MACROD2: variants seen among roughly 807,000 people sequenced by gnomAD.
MACROD2 encodes the protein ADP-ribose glycohydrolase MACROD2.
MACROD2 carries 36 observed loss-of-function variants against 70.4 expected under a neutral mutation model. The ratio of observed to expected loss-of-function variants is 0.51; its 90% CI spans 0.39 to 0.68. The LOEUF (loss-of-function observed/expected upper bound fraction) is 0.68, where lower values mean the gene tolerates loss of function less well. Ranked by LOEUF, MACROD2 falls within the 30% of genes least tolerant of loss-of-function variation. MACROD2 has a pLI of 0.00. For missense variants in MACROD2, 496 were observed against 538.4 expected (o/e 0.92, Z 0.78); for synonymous variants, 172 against 178.8 (o/e 0.96, Z 0.30).
intron 4 of MACROD2, among the ~76,000 whole-genome samples, chr20:14,590,014 G>A (rs944749286): frequency 6.6e-6 from 1 of 152,060 alleles, no homozygotes; most frequent in African/African-American, 2.4e-5. Context: ...GCTTCTTGGG[G>A]TTAGAATTTA....
intron 5 of MACROD2, among the ~76,000 whole-genome samples, chr20:14,969,375 C>T (rs1261884080): frequency 6.7e-6 from 1 of 148,992 alleles, no homozygotes; most frequent in African/African-American, 2.5e-5. Flanking sequence ...CACACACACA[C>T]ACACACACAC....
chr20:14,230,637 A>G (rs1262157637), intron 3 of MACROD2, among the ~76,000 whole-genome samples: 54 of 2,940 alleles, frequency 0.018, no homozygotes, highest in East Asian at 0.12. Flanking sequence ...ATGTTTATAT[A>G]TATATATATA....
At chr20:14,980,062 TGTAA>T (rs2074783037) in intron 5 of MACROD2, among the ~76,000 whole-genome samples, 1 of 152,186 alleles carries the variant, frequency 6.6e-6, no homozygotes, top group South Asian at 2.1e-4. Context: ...GTAAGCACTT[TGTAA>T]GTATTACCAT....
At position 15,681,048 on chromosome 20, in the gene MACROD2, A is replaced by G. The variant is rs578130096; in HGVS notation, c.645+181201A>G. 2.4e-4 allele frequency among the ~76,000 whole-genome samples: 37 copies of G among 152,312 alleles called. No individual in the cohort carries two copies. In the South Asian group the frequency reaches 7.1e-3, roughly 29 times the overall value. ...GCCACCTCAGTTCAATACAGTTGCA[A>G]TGTAATGTTTGAAGACGCTCTCAAG... On this transcript the variant is annotated intron_variant, in intron 8 of 17. Transcript: ENST00000684519.
chr20:14,668,722 T>C (rs1459546770), intron 4 of MACROD2, among the ~76,000 whole-genome samples: 3 of 152,210 alleles, frequency 2.0e-5, no homozygotes, highest in African/African-American at 4.8e-5. Flanking sequence ...TATTTCAGTA[T>C]AGATTAAAAT....
At chr20:14,150,359 A>G (rs929957614) in intron 3 of MACROD2, among the ~76,000 whole-genome samples, 4 of 152,234 alleles carry the variant, frequency 2.6e-5, no homozygotes, top group African/African-American at 7.2e-5. Context: ...TATTGCTTAC[A>G]TTTAATAAAT....
intron 5 of MACROD2, among the ~76,000 whole-genome samples, chr20:15,178,240 ATTACT>A (rs1182281925): frequency 6.6e-6 from 1 of 152,050 alleles, no homozygotes. Context: ...TTGATATTGT[ATTACT>A]TTATGGGGAC....
intron 5 of MACROD2, among the ~76,000 whole-genome samples, chr20:14,750,105 T>C (rs2123734338): frequency 6.6e-6 from 1 of 152,264 alleles, no homozygotes; most frequent in Non-Finnish European, 1.5e-5. Flanking sequence ...AGAAAAGAAA[T>C]ATTCATAAGA....
At chr20:15,280,109 C>A (rs6043165) in intron 6 of MACROD2, among the ~76,000 whole-genome samples, 22,739 of 152,134 alleles carry the variant, frequency 0.15, 1,902 homozygotes, top group African/African-American at 0.22. Context: ...TCAGTGTTAA[C>A]TACATCATTT....
intron 3 of MACROD2, among the ~76,000 whole-genome samples, chr20:14,111,559 G>A (rs1258044475): frequency 6.6e-6 from 1 of 152,010 alleles, no homozygotes; most frequent in African/African-American, 2.4e-5. Context: ...GATGTGAATA[G>A]ACATTTCTCA....
At chr20:15,710,148 A>G (rs1174721631) in intron 8 of MACROD2, among the ~76,000 whole-genome samples, 6 of 150,858 alleles carry the variant, frequency 4.0e-5, no homozygotes, top group Non-Finnish European at 7.4e-5. Context: ...CAAAACCACA[A>G]TGAGGTATCA....
chr20:15,061,762 G>C (rs2075534730), intron 5 of MACROD2, among the ~76,000 whole-genome samples: 1 of 152,234 alleles, frequency 6.6e-6, no homozygotes, highest in Non-Finnish European at 1.5e-5. Flanking sequence ...TGATGATAAA[G>C]TGTACTATGA....
intron 4 of MACROD2, among the ~76,000 whole-genome samples, chr20:14,661,954 A>T (rs1411615161): frequency 1.3e-5 from 2 of 152,144 alleles, no homozygotes; most frequent in Non-Finnish European, 2.9e-5. Flanking sequence ...GTAAAAAATA[A>T]GCAATTGTGA....
chr20:14,801,815 A>T (rs1268361834), intron 5 of MACROD2, among the ~76,000 whole-genome samples: 1 of 152,066 alleles, frequency 6.6e-6, no homozygotes, highest in Non-Finnish European at 1.5e-5. Flanking sequence ...GCAAAAGCAG[A>T]AATGCAGGCA....
intron 6 of MACROD2, among the ~76,000 whole-genome samples, chr20:15,407,497 C>T (rs1280054503): frequency 6.6e-6 from 1 of 152,158 alleles, no homozygotes; most frequent in Non-Finnish European, 1.5e-5. Flanking sequence ...TTGGGGATCC[C>T]AACTTGAGAA....
intron 6 of MACROD2, among the ~76,000 whole-genome samples, chr20:15,286,039 G>A (rs2077488082): frequency 6.6e-6 from 1 of 151,966 alleles, no homozygotes; most frequent in Non-Finnish European, 1.5e-5. Context: ...GTAAAGGAAG[G>A]AGTCTTTCTT....
intron 5 of MACROD2, among the ~76,000 whole-genome samples, chr20:14,922,012 G>A (rs1479156413): frequency 3.3e-5 from 5 of 152,114 alleles, no homozygotes; most frequent in African/African-American, 9.7e-5. Flanking sequence ...ATTATTTTCT[G>A]ATTGCAGGAT....
chr20:15,034,781 A>G (rs1055186708), intron 5 of MACROD2, among the ~76,000 whole-genome samples: 1 of 152,176 alleles, frequency 6.6e-6, no homozygotes, highest in Non-Finnish European at 1.5e-5. Flanking sequence ...TTAGTAATAT[A>G]CTTTGATGCT....
At chr20:14,520,954 C>T (rs977505615) in intron 4 of MACROD2, among the ~76,000 whole-genome samples, 14 of 81,786 alleles carry the variant, frequency 1.7e-4, no homozygotes, top group South Asian at 1.3e-3. Flanking sequence ...CGCGTGCGTG[C>T]GCGCACACAC....
Sources: allele counts gnomAD v4.1 joint callset (sites outside exome capture counted in the v4.1 genomes callset), GRCh38; gene constraint gnomAD v4.1.1; transcripts MANE v1.5; gene names NCBI Gene and HGNC (gene_info 2026-07-23, HGNC 2026-07-21).